Variants in PDE8B observed in about 807,000 individuals in gnomAD.
The protein encoded by PDE8B is high affinity cAMP-specific and IBMX-insensitive 3',5'-cyclic phosphodiesterase 8B.
A neutral mutation model predicts 101.3 loss-of-function variants in PDE8B; 26 were observed. That is an observed-to-expected ratio of 0.26 (90% CI 0.19 to 0.36). The LOEUF is 0.36. Ranked by LOEUF, PDE8B falls within the 10% of genes least tolerant of loss-of-function variation. PDE8B has a pLI of 1.00. For missense variants in PDE8B, 810 were observed against 1,163.1 expected (o/e 0.70, Z 4.42); for synonymous variants, 424 against 429.3 (o/e 0.99, Z 0.15).
chr5:77,398,817 A>G (rs1349364809), intron 10 of PDE8B, among the ~76,000 whole-genome samples: 1 of 152,220 alleles, frequency 6.6e-6, no homozygotes, highest in Non-Finnish European at 1.5e-5. Context: ...TGTGAGCCAC[A>G]CCATTCCACA....
At chr5:77,090,497 TCTCC>T in the PDE8B span, among the ~76,000 whole-genome samples, 1 of 152,164 alleles carries the variant, frequency 6.6e-6, no homozygotes, top group Non-Finnish European at 1.5e-5. Flanking sequence ...ATGGTCTCGA[TCTCC>T]TGACCTTGTG....
In PDE8B at chr5:77,412,574, C is replaced by T. The variant is rs1268564202; in HGVS notation, c.1712+339C>T. On this transcript the variant is annotated intron_variant, in intron 16 of 21. Coordinates refer to ENST00000264917, the MANE Select transcript of PDE8B (RefSeq NM_003719.5). ...ATAGATTTTTTTTTTTTTTCTGATC[C>T]ATCCTGTAGGCAGAGGAAAGATTAG... is the stretch of plus-strand genomic sequence containing the variant. Among the ~76,000 whole-genome samples, 22 of 151,060 alleles carry T rather than the reference C, an allele frequency of 1.5e-4. 1 individual carries two copies. The highest frequency in any genetic ancestry group is 1.4e-3 in the Admixed American group (21 of 15,226).
chr5:77,110,533 A>G, the PDE8B span, among the ~76,000 whole-genome samples: 2 of 152,326 alleles, frequency 1.3e-5, no homozygotes, highest in South Asian at 2.1e-4. Flanking sequence ...CTGCCAGTGA[A>G]TAGTGGGTAA....
intron 10 of PDE8B, among the ~76,000 whole-genome samples, chr5:77,396,025 A>G (rs1295857025): frequency 6.6e-6 from 1 of 152,234 alleles, no homozygotes; most frequent in Non-Finnish European, 1.5e-5. Flanking sequence ...ATTGTTCAGT[A>G]GTGAGCTGGG....
At chr5:77,261,677 A>G (rs924362034) in intron 1 of PDE8B, among the ~76,000 whole-genome samples, 1 of 152,192 alleles carries the variant, frequency 6.6e-6, no homozygotes, top group Admixed American at 6.5e-5. Flanking sequence ...TGCTCTCCAC[A>G]CTAGACCTGT....
the PDE8B span, among the ~76,000 whole-genome samples, chr5:77,187,452 G>A: frequency 6.6e-6 from 1 of 152,242 alleles, no homozygotes; most frequent in East Asian, 1.9e-4. Flanking sequence ...CTGAAGCCAG[G>A]AGATATAGCC....
chr5:77,237,638 A>G (rs1754964261), intron 1 of PDE8B, among the ~76,000 whole-genome samples: 1 of 152,162 alleles, frequency 6.6e-6, no homozygotes, highest in African/African-American at 2.4e-5. Context: ...TAAAGAATTC[A>G]AGAGAAGAAT....
intron 10 of PDE8B, among the ~76,000 whole-genome samples, chr5:77,369,700 A>C (rs10085113): frequency 1 from 152,336 of 152,348 alleles, 76,162 homozygotes; most frequent in Middle Eastern, 1. Context: ...ACACAGCTAG[A>C]AAATGTGCAA....
intron 1 of PDE8B, among the ~76,000 whole-genome samples, chr5:77,296,929 T>C (rs967563776): frequency 6.6e-6 from 1 of 152,194 alleles, no homozygotes; most frequent in Admixed American, 6.5e-5. Flanking sequence ...CTGTGAGTGA[T>C]GGCAAGGTTT....
chr5:77,087,142 C>A, the PDE8B span: 1 of 152,372 alleles, frequency 6.6e-6, no homozygotes, highest in Non-Finnish European at 1.5e-5. Flanking sequence ...CCGGAGCCGG[C>A]GGCGGGTCGG....
intron 1 of PDE8B, among the ~76,000 whole-genome samples, chr5:77,261,880 C>T (rs748075046): frequency 6.6e-6 from 1 of 152,186 alleles, no homozygotes; most frequent in African/African-American, 2.4e-5. Flanking sequence ...AAGTGCCTTG[C>T]GTTCACAGGG....
chr5:77,356,798 A>C (rs1018595976), intron 10 of PDE8B, among the ~76,000 whole-genome samples: 1 of 152,152 alleles, frequency 6.6e-6, no homozygotes, highest in Non-Finnish European at 1.5e-5. Flanking sequence ...TGTGGTTTGC[A>C]TGTGTGGCTC....
chr5:77,226,103 G>T, intron 1 of PDE8B, among the ~76,000 whole-genome samples: 1 of 152,082 alleles, frequency 6.6e-6, no homozygotes, highest in Non-Finnish European at 1.5e-5. Flanking sequence ...ATACAGTTAG[G>T]ATTATTTATT....
chr5:77,192,347 A>G, the PDE8B span, among the ~76,000 whole-genome samples: 1 of 152,086 alleles, frequency 6.6e-6, no homozygotes, highest in Non-Finnish European at 1.5e-5. Flanking sequence ...CCCACCAGAG[A>G]CCCCAAGTAA....
chr5:77,153,572 CT>C, the PDE8B span, among the ~76,000 whole-genome samples: 1,415 of 131,470 alleles, frequency 0.011, 7 homozygotes, highest in African/African-American at 0.035. Context: ...CAGCTTTACT[CT>C]TTTTTTTTTT....
chr5:77,228,491 G>A (rs982307647), intron 1 of PDE8B, among the ~76,000 whole-genome samples: 1 of 152,130 alleles, frequency 6.6e-6, no homozygotes, highest in African/African-American at 2.4e-5. Context: ...CAATAATGCA[G>A]TGTCTGGATG....
the PDE8B span, among the ~76,000 whole-genome samples, chr5:77,190,597 A>G: frequency 2.7e-3 from 404 of 152,348 alleles, 2 homozygotes; most frequent in African/African-American, 9.2e-3. Flanking sequence ...GATCTGACAC[A>G]CAGATGAGTG....
At chr5:77,326,088 C>T (rs1221130150) in intron 3 of PDE8B, among the ~76,000 whole-genome samples, 1 of 152,184 alleles carries the variant, frequency 6.6e-6, no homozygotes, top group Non-Finnish European at 1.5e-5. Flanking sequence ...CTTCATTATT[C>T]TCTCCCAAAA....
chr5:77,290,242 G>C (rs116209928), intron 1 of PDE8B: 1 of 1,549,590 alleles, frequency 6.5e-7, no homozygotes, highest in African/African-American at 1.4e-5. Flanking sequence ...AAGCTCCTTG[G>C]ACCTTGGAGC....
Sources: gnomAD v4.1 joint callset for allele counts (sites outside exome capture counted in the v4.1 genomes callset) on GRCh38, gnomAD v4.1.1 for gene constraint, MANE v1.5 for transcripts, NCBI Gene and HGNC (gene_info 2026-07-23, HGNC 2026-07-21) for gene names.